CCDC146: variants seen among roughly 807,000 people sequenced by gnomAD.
The protein encoded by CCDC146 is coiled-coil domain-containing protein 146.
Under a neutral mutation model 119.3 loss-of-function variants are expected in CCDC146, and 92 were observed. That is an observed-to-expected ratio of 0.77 (90% CI 0.65 to 0.92). The LOEUF (loss-of-function observed/expected upper bound fraction) is 0.92. Among genes scored for constraint, CCDC146 ranks in the 40% least tolerant of loss-of-function variants. CCDC146 has a pLI of 0.00. For missense variants in CCDC146, 1,000 were observed against 1,103.0 expected (o/e 0.91, Z 1.32); for synonymous variants, 372 against 371.8 (o/e 1.00, Z -0.01).
chr7:77,193,091 G>A (rs780841210), intron 2 of CCDC146, among the ~76,000 whole-genome samples: 9 of 152,166 alleles, frequency 5.9e-5, no homozygotes, highest in East Asian at 3.9e-4. Flanking sequence ...ATTCAGATGC[G>A]TTTGTGTTGT....
At chr7:77,141,598 A>G (rs756304383) in intron 1 of CCDC146, among the ~76,000 whole-genome samples, 55 of 152,200 alleles carry the variant, frequency 3.6e-4, no homozygotes, top group Non-Finnish European at 6.6e-4. Context: ...CTGACTTTTT[A>G]ATGATTGCTA....
At chr7:77,171,127 T>A (rs1388968315) in intron 2 of CCDC146, among the ~76,000 whole-genome samples, 2 of 152,230 alleles carry the variant, frequency 1.3e-5, no homozygotes, top group Non-Finnish European at 2.9e-5. Context: ...GTCATACATT[T>A]GTTTGATATA....
At chr7:77,217,269 G>A (rs900337059) in intron 2 of CCDC146, among the ~76,000 whole-genome samples, 1 of 151,856 alleles carries the variant, frequency 6.6e-6, no homozygotes, top group Middle Eastern at 3.4e-3. Flanking sequence ...ATTCCAAAAA[G>A]CTTGTGCAAC....
chr7:77,221,556 C>G (rs1008330579), intron 2 of CCDC146, among the ~76,000 whole-genome samples: 1 of 152,140 alleles, frequency 6.6e-6, no homozygotes, highest in African/African-American at 2.4e-5. Context: ...TATGCTCAAC[C>G]CTTCATGCTG....
intron 2 of CCDC146, among the ~76,000 whole-genome samples, chr7:77,216,424 C>G (rs17159099): frequency 0.068 from 10,350 of 152,110 alleles, 969 homozygotes; most frequent in African/African-American, 0.21. Flanking sequence ...GTTACTGATT[C>G]ACTAACAGAA....
Position 77,206,640 on chromosome 7 carries a change from G to T in CCDC146, c.157-30307G>T, listed in dbSNP as rs990558861. Among the ~76,000 whole-genome samples the T allele has an allele frequency of 1.8e-3, 217 of 118,458 alleles. 1 individual carries two copies. Among genetic ancestry groups the T allele is most frequent in the Admixed American group, 3.4e-3 (39 of 11,550 alleles). The allele number at this position is 118,458 out of a possible 152,430, so 77.7% of individuals were successfully genotyped here. On this transcript the variant is annotated intron_variant, in intron 2 of 18. Transcript: ENST00000285871. ...AAAGCGAAACTCTGTCTCCAAAAAA[G>T]AAACATACATATATATATATATATA...
At chr7:77,290,789 A>G (rs114365837) in intron 17 of CCDC146, among the ~76,000 whole-genome samples, 133 of 152,354 alleles carry the variant, frequency 8.7e-4, no homozygotes, top group African/African-American at 3.2e-3. Flanking sequence ...AAATTTGTGT[A>G]TAATAATCAG....
Position 77,196,868 on chromosome 7 carries a change from A to G in CCDC146, c.156+29044A>G, listed in dbSNP as rs1248558346. ...TGTCCAGCCTCCCCCCATGGTCTCCATGTCACAGTAAACTTCAAAGCTACT... is the reference window on the plus strand; with the variant it reads ...TGTCCAGCCTCCCCCCATGGTCTCCGTGTCACAGTAAACTTCAAAGCTACT... On this transcript the variant is annotated intron_variant, in intron 2 of 18. Transcript: ENST00000285871. The surrounding 1 kb of genome is among the most constrained non-coding windows in gnomAD (Gnocchi z 4.2). 1.9e-6 allele frequency: 3 copies of G among 1,613,624 alleles called. No individual in the cohort carries two copies. Among genetic ancestry groups the G allele is most frequent in the East Asian group, 4.5e-5 (2 of 44,836 alleles).
intron 2 of CCDC146, among the ~76,000 whole-genome samples, chr7:77,197,239 G>A (rs1022871061): frequency 6.6e-6 from 1 of 152,198 alleles, no homozygotes; most frequent in Non-Finnish European, 1.5e-5. Flanking sequence ...ACGACAATAA[G>A]AAAATAATAA....
intron 2 of CCDC146, among the ~76,000 whole-genome samples, chr7:77,203,908 A>G (rs2150440501): frequency 6.6e-6 from 1 of 152,334 alleles, no homozygotes; most frequent in African/African-American, 2.4e-5. Flanking sequence ...TCATTAGTCT[A>G]TATTCACATG....
intron 1 of CCDC146, 98 bp downstream of exon 1, chr7:77,122,830 C>G (rs1437055211): frequency 6.5e-6 from 1 of 153,698 alleles, no homozygotes; most frequent in East Asian, 1.9e-4. Context: ...GTGCGGGCAT[C>G]TCCAGGGCAT....
chr7:77,134,150 T>C (rs916128429), intron 1 of CCDC146, among the ~76,000 whole-genome samples: 1 of 145,234 alleles, frequency 6.9e-6, no homozygotes, highest in African/African-American at 2.5e-5. Flanking sequence ...GAGGGTTGAC[T>C]GGATTTATTG....
chr7:77,145,747 C>T (rs1160341766), intron 1 of CCDC146, among the ~76,000 whole-genome samples: 18 of 152,176 alleles, frequency 1.2e-4, no homozygotes, highest in African/African-American at 4.3e-4. Context: ...TTTCTTAATC[C>T]TGAGTTCTAG....
intron 1 of CCDC146, among the ~76,000 whole-genome samples, chr7:77,128,701 C>G (rs1387566272): frequency 6.6e-6 from 1 of 151,984 alleles, no homozygotes; most frequent in African/African-American, 2.4e-5. Context: ...TAGATTTGCA[C>G]TGCCACTGCC....
intron 2 of CCDC146, among the ~76,000 whole-genome samples, chr7:77,233,319 C>A (rs151057034): frequency 0.011 from 1,711 of 151,868 alleles, 34 homozygotes; most frequent in African/African-American, 0.039. Context: ...CTCAAACTCC[C>A]GACCTCAGGT....
intron 1 of CCDC146, among the ~76,000 whole-genome samples, chr7:77,140,772 ATT>A (rs1378588963): frequency 6.6e-6 from 1 of 152,182 alleles, no homozygotes; most frequent in Non-Finnish European, 1.5e-5. Flanking sequence ...GGAAAATCTA[ATT>A]CAATACAAGA....
At chr7:77,241,620 T>G in intron 3 of CCDC146, 71 bp from the exon 4 acceptor site, 3 of 1,332,658 alleles carry the variant, frequency 2.3e-6, no homozygotes, top group Non-Finnish European at 3.2e-6. Context: ...CTATCCTCAC[T>G]AGACCCCCAC....
At chr7:77,270,166 A>T (rs1470663264) in intron 9 of CCDC146, among the ~76,000 whole-genome samples, 1 of 152,208 alleles carries the variant, frequency 6.6e-6, no homozygotes, top group Non-Finnish European at 1.5e-5. Flanking sequence ...AATAATTGGG[A>T]TATTTACAGC....
chr7:77,216,173 C>A (rs955831134), intron 2 of CCDC146, among the ~76,000 whole-genome samples: 1 of 151,584 alleles, frequency 6.6e-6, no homozygotes, highest in Non-Finnish European at 1.5e-5. Context: ...ATGCCTTTGT[C>A]CCCTCTTTTT....
Sources: allele counts gnomAD v4.1 joint callset (sites outside exome capture counted in the v4.1 genomes callset), GRCh38; gene constraint gnomAD v4.1.1; non-coding constraint Gnocchi (gnomAD v3.1); transcripts MANE v1.5; gene names NCBI Gene and HGNC (gene_info 2026-07-23, HGNC 2026-07-21).